The following FARSA variants were observed in gnomAD, a reference collection of about 807,000 sequenced individuals.
The protein encoded by FARSA is phenylalanyl-tRNA synthetase subunit alpha, also known as phenylalanine--tRNA ligase alpha subunit.
FARSA carries 37 observed loss-of-function variants against 63.2 expected under a neutral mutation model. The ratio of observed to expected loss-of-function variants is 0.59; its 90% CI spans 0.45 to 0.77. The LOEUF (loss-of-function observed/expected upper bound fraction) is 0.77, where lower values mean the gene tolerates loss of function less well. Among genes scored for constraint, FARSA ranks in the 30% least tolerant of loss-of-function variants. The pLI is 0.00. For missense variants in FARSA, 618 were observed against 696.6 expected (o/e 0.89, Z 1.27); for synonymous variants, 312 against 285.1 (o/e 1.09, Z -0.95).
At chr19:12,925,258 C>T in intron 7 of FARSA, 84 bp from the exon 8 acceptor site, 2 of 1,193,368 alleles carry the variant, frequency 1.7e-6, no homozygotes, top group South Asian at 1.3e-5. Context: ...CACTGTTGTC[C>T]AGGCTGGAGT....
rs967957359 is a variant in FARSA, at chr19:12,924,384, G to C, written c.1273+65C>G. ...TGGGGTACAGGCATGGCAATGGGGG[G>C]ACCCAGGCCAAACCATAGTAGCCTG... is the stretch of plus-strand genomic sequence containing the variant. On this transcript the variant is annotated intron_variant, in intron 11 of 12. Coordinates refer to ENST00000314606, the MANE Select transcript of FARSA (RefSeq NM_004461.3). This position sits in a 1 kb window ranked among gnomAD's most constrained non-coding sequence, Gnocchi z 6.4. 1.1e-5 allele frequency: 18 copies of C among 1,569,928 alleles called. No homozygotes were observed. Among genetic ancestry groups the C allele is most frequent in the African/African-American group, 1.4e-5 (1 of 74,054 alleles).
chr19:12,928,130 G>A (rs547237518), intron 7 of FARSA, among the ~76,000 whole-genome samples: 11 of 151,884 alleles, frequency 7.2e-5, no homozygotes, highest in Admixed American at 3.3e-4. Context: ...TTTTTTTAGA[G>A]GTAGATTCTT....
Position 12,930,444 on chromosome 19 carries a change from G to A in FARSA, c.369C>T (p.Pro123=). 1.9e-6 allele frequency: 3 copies of A among 1,614,112 alleles called. No homozygotes were observed. The highest frequency in any genetic ancestry group is 2.5e-6 in the Non-Finnish European group (3 of 1,179,980). Residue 123 remains proline (P), a synonymous_variant, in exon 3 of 13, where the codon CCC becomes CCT. Coordinates refer to ENST00000314606, the MANE Select transcript of FARSA (RefSeq NM_004461.3). ...IRVDKSAADG[P]RVFRVVDSME... ...AGGAACGCACCACTCGGAACACCCG[G>A]GGCCCGTCAGCCGCACTCTTGTCCA...
chr19:12,932,355 T>G (rs140593282), intron 1 of FARSA, among the ~76,000 whole-genome samples: 53 of 152,280 alleles, frequency 3.5e-4, no homozygotes, highest in African/African-American at 1.1e-3. Flanking sequence ...ATAATTATTT[T>G]TATGGCTATT....
rs1233755324 is a variant in FARSA, at chr19:12,925,010, G to A, written c.927-7C>T. 2 of 1,613,302 alleles carry A rather than the reference G, an allele frequency of 1.2e-6. No homozygotes were observed. Among genetic ancestry groups the A allele is most frequent in the South Asian group, 1.1e-5 (1 of 91,060 alleles). The stretch of plus-strand genomic sequence containing the variant: ...CTTCCAGTTATACTTGTACCTTCAG[G>A]AGGGAAGGTGGGAAGTCCATGCAAT... On this transcript the variant is annotated splice_region_variant and splice_polypyrimidine_tract_variant and intron_variant, in intron 8 of 12. Transcript: ENST00000314606.
chr19:12,930,175 T>G (rs1193796343), intron 4 of FARSA, 48 bp downstream of exon 4: 3 of 1,433,284 alleles, frequency 2.1e-6, no homozygotes, highest in Non-Finnish European at 2.0e-6. Flanking sequence ...GCCTCCACCA[T>G]GCTTCGCAGG....
chr19:12,926,743 GTCTT>G (rs1217053617), intron 7 of FARSA, among the ~76,000 whole-genome samples: 1 of 152,152 alleles, frequency 6.6e-6, no homozygotes, highest in Non-Finnish European at 1.5e-5. Context: ...GTACAGATGG[GTCTT>G]TCTATGTTGC....
Position 12,924,151 on chromosome 19 carries a change from C to G in FARSA, c.1388G>C (p.Arg463Pro). The part of the protein sequence containing the change: ...SVIAWGLSLE[R>P]PTMIKYGINN... The stretch of plus-strand genomic sequence containing the variant: ...CCCGAGTTTCCACTTGGGCACTTAC[C>G]GCTCCAGGGAGAGGCCCCAGGCAAT... Residue 463 changes from arginine to proline, a missense_variant and splice_region_variant, in exon 12 of 13, where the codon CGC (arginine) becomes CCC (proline). Physicochemically the swap from Arg to Pro is moderately radical, Grantham distance 103. Coordinates refer to ENST00000314606, the MANE Select transcript of FARSA (RefSeq NM_004461.3). This position sits in a 1 kb window ranked among gnomAD's most constrained non-coding sequence, Gnocchi z 6.4. 2 of 1,613,384 alleles carry G rather than the reference C, an allele frequency of 1.2e-6. No individual in the cohort carries two copies. The highest frequency in any genetic ancestry group is 1.3e-5 in the African/African-American group (1 of 75,012).
At chr19:12,928,991 C>T (rs1410526525) in intron 4 of FARSA, 144 bp from the exon 5 acceptor site, 1 of 730,998 alleles carries the variant, frequency 1.4e-6, no homozygotes, top group Admixed American at 2.0e-5. Flanking sequence ...ACCTGAAATC[C>T]TCCTATGTGA....
chr19:12,925,231 T>G, intron 7 of FARSA, 57 bp from the exon 8 acceptor site: 2 of 1,441,300 alleles, frequency 1.4e-6, no homozygotes, highest in South Asian at 2.5e-5. Context: ...CCCCTTTTTT[T>G]TTTTCAGACA....
rs556276607 is a variant in FARSA, at chr19:12,930,314, G to A, written c.412C>T (p.Arg138Trp). 25 of 1,614,044 alleles carry A rather than the reference G, an allele frequency of 1.5e-5. No individual in the cohort carries two copies. In the Admixed American group the frequency reaches 1.8e-4, roughly 12 times the overall value. ...CCCCCCCGGACCAGCTGGAGCCGCC[G>A]CTGCACCTCATCCTCCATGCTGTCC... ...VVDSMEDEVQ[R>W]RLQLVRGGQA... Residue 138 changes from arginine (R) to tryptophan (W), a missense_variant, in exon 4 of 13, where the codon CGG becomes TGG. Transcript: ENST00000314606.
intron 2 of FARSA, 23 bp from the exon 3 acceptor site, chr19:12,930,550 A>C: frequency 6.2e-7 from 1 of 1,611,196 alleles, no homozygotes; most frequent in Non-Finnish European, 8.5e-7. Context: ...GGCTGCAGTG[A>C]GTGGGGCACG....
intron 1 of FARSA, among the ~76,000 whole-genome samples, chr19:12,931,183 C>G (rs974931632): frequency 2.0e-5 from 3 of 152,186 alleles, no homozygotes; most frequent in Admixed American, 6.5e-5. Context: ...GCAGCCTAGA[C>G]CTCCTGGGCT....
chr19:12,924,462 G>C lies in FARSA; in HGVS notation c.1260C>G (p.Phe420Leu). ...NPYTEPSMEV[F>L]SYHQGLKKWV... ...GCCTACCCTGACCTTGGTGGTAGCT[G>C]AACACCTCCATGCTGGGCTCTGTGT... Residue 420 changes from phenylalanine to leucine, a missense_variant, in exon 11 of 13, where the codon TTC (phenylalanine) becomes TTG (leucine). Transcript: ENST00000314606. This position sits in a 1 kb window ranked among gnomAD's most constrained non-coding sequence, Gnocchi z 6.4. 6.2e-7 allele frequency: 1 copy of C among 1,613,344 alleles called. No homozygotes were observed. The highest frequency in any genetic ancestry group is 8.5e-7 in the Non-Finnish European group (1 of 1,179,992).
chr19:12,925,224 C>CTT (rs371041405), intron 7 of FARSA, 50 bp from the exon 8 acceptor site: 280 of 1,160,820 alleles, frequency 2.4e-4, no homozygotes, highest in Middle Eastern at 3.1e-4. Context: ...TTTCCCACCC[C>CTT]TTTTTTTTTT....
intron 4 of FARSA, among the ~76,000 whole-genome samples, chr19:12,929,235 T>C (rs1971364311): frequency 6.6e-6 from 1 of 152,190 alleles, no homozygotes; most frequent in Non-Finnish European, 1.5e-5. Context: ...AGACAGAGTT[T>C]TGCTCTTGTT....
At chr19:12,923,132 G>A (rs1033898452) in intron 12 of FARSA, among the ~76,000 whole-genome samples, 9 of 151,958 alleles carry the variant, frequency 5.9e-5, no homozygotes, top group Non-Finnish European at 1.3e-4. Context: ...ACCACTACCT[G>A]GGACACCCTT....
chr19:12,925,860 G>A (rs1971321077), intron 7 of FARSA, among the ~76,000 whole-genome samples: 2 of 151,984 alleles, frequency 1.3e-5, no homozygotes, highest in East Asian at 1.9e-4. Context: ...TTTGGTAGAC[G>A]TGGGGTTTCA....
intron 7 of FARSA, among the ~76,000 whole-genome samples, chr19:12,927,386 C>A (rs1034551356): frequency 1.3e-5 from 2 of 150,796 alleles, no homozygotes; most frequent in African/African-American, 4.9e-5. Flanking sequence ...TGTTTGAGAT[C>A]AGGAGTTTGA....
Sources: allele counts gnomAD v4.1 joint callset (sites outside exome capture counted in the v4.1 genomes callset), GRCh38; gene constraint gnomAD v4.1.1; non-coding constraint Gnocchi (gnomAD v3.1); transcripts MANE v1.5; gene names NCBI Gene and HGNC (gene_info 2026-07-23, HGNC 2026-07-21).